Variants in FGF14 observed in about 807,000 individuals in gnomAD.
The protein encoded by FGF14 is fibroblast growth factor homologous factor 4.
A neutral mutation model predicts 25.5 loss-of-function variants in FGF14; 5 were observed. That is an observed-to-expected ratio of 0.20 (90% CI 0.10 to 0.41). The LOEUF (loss-of-function observed/expected upper bound fraction) is 0.41. FGF14 is among the 10% of genes least tolerant of loss of function. The pLI is 1.00. For synonymous variants in FGF14, 138 were observed against 118.3 expected, an observed-to-expected ratio of 1.17 and a Z score of -1.08; for missense variants, 222 against 320.1, an observed-to-expected ratio of 0.69 and a Z score of 2.34.
At chr13:101,793,089 T>C (rs1412146941) in intron 3 of FGF14, among the ~76,000 whole-genome samples, 1 of 152,142 alleles carries the variant, frequency 6.6e-6, no homozygotes, top group Non-Finnish European at 1.5e-5. Flanking sequence ...TTCACTACAC[T>C]GTGCAACAGA....
intron 1 of FGF14, among the ~76,000 whole-genome samples, chr13:101,929,107 G>A (rs189706078): frequency 1.3e-5 from 2 of 152,086 alleles, no homozygotes; most frequent in Admixed American, 6.5e-5. Flanking sequence ...TACTTGACCC[G>A]GCATTCAGGC....
chr13:102,108,224 A>G (rs1489120858), intron 1 of FGF14, among the ~76,000 whole-genome samples: 2 of 152,174 alleles, frequency 1.3e-5, no homozygotes, highest in African/African-American at 4.8e-5. Flanking sequence ...GGAGAAAATC[A>G]GTACAATTTT....
rs150541638 is a variant in FGF14, at chr13:102,071,242, A to G, written c.209-195946T>C. Among the ~76,000 whole-genome samples, 1,270 of 152,356 alleles carry G rather than the reference A, an allele frequency of 8.3e-3. 16 individuals are homozygous for G. The highest frequency in any genetic ancestry group is 0.029 in the African/African-American group (1,194 of 41,580). On this transcript the variant is annotated intron_variant, in intron 1 of 4. Transcript: ENST00000376131. ...ACAGCACGACAAGGCAGAGAGAACC[A>G]GATCCAGATTGCAGGGCAGATTTAA...
intron 1 of FGF14, among the ~76,000 whole-genome samples, chr13:102,330,327 T>C (rs57658220): frequency 0.2 from 30,636 of 152,018 alleles, 3,335 homozygotes; most frequent in East Asian, 0.44. Context: ...GTGAACCAAT[T>C]TTCTCTGTTC....
intron 1 of FGF14, among the ~76,000 whole-genome samples, chr13:102,248,308 AAAG>A (rs1287280681): frequency 6.6e-6 from 1 of 152,170 alleles, no homozygotes; most frequent in Non-Finnish European, 1.5e-5. Flanking sequence ...TGGAATATAT[AAAG>A]AAGTAGAAAA....
At chr13:102,356,266 G>A (rs1443305732) in intron 1 of FGF14, among the ~76,000 whole-genome samples, 1 of 152,160 alleles carries the variant, frequency 6.6e-6, no homozygotes, top group Non-Finnish European at 1.5e-5. Flanking sequence ...ACAATTCTTT[G>A]CTCCTTACTA....
chr13:101,996,941 T>C (rs929918611), intron 1 of FGF14, among the ~76,000 whole-genome samples: 9 of 152,244 alleles, frequency 5.9e-5, no homozygotes, highest in Admixed American at 4.6e-4. Context: ...GCCTGGCATA[T>C]TCCTGCCTCA....
intron 1 of FGF14, among the ~76,000 whole-genome samples, chr13:101,898,497 G>T (rs948163610): frequency 6.6e-6 from 1 of 151,924 alleles, no homozygotes; most frequent in South Asian, 2.1e-4. Flanking sequence ...CAAATAAAAA[G>T]CTAGTCAATA....
chr13:102,357,995 T>C (rs1423071188), intron 1 of FGF14, among the ~76,000 whole-genome samples: 2 of 152,130 alleles, frequency 1.3e-5, no homozygotes, highest in African/African-American at 4.8e-5. Flanking sequence ...CCAACAGCAA[T>C]CAGATTATTT....
rs369595376 is a variant in FGF14, at chr13:101,726,220, A to C, written c.607+392T>G. Among the ~76,000 whole-genome samples the C allele has an allele frequency of 1.7e-4, 26 of 152,184 alleles. No individual in the cohort carries two copies. In the East Asian group the frequency reaches 4.6e-3, roughly 27 times the overall value. ...GAAAATACTTTTGATTCCACGCTCA[A>C]AACTTATTTTTTCTAATATACTTAT... is the stretch of plus-strand genomic sequence containing the variant. On this transcript the variant is annotated intron_variant, in intron 4 of 4. Coordinates refer to ENST00000376143, the MANE Select transcript of FGF14 (RefSeq NM_004115.4).
chr13:101,939,843 G>C (rs2035329262), intron 1 of FGF14, among the ~76,000 whole-genome samples: 1 of 152,130 alleles, frequency 6.6e-6, no homozygotes, highest in South Asian at 2.1e-4. Context: ...ACGAGACAAA[G>C]AAATGGCATG....
intron 1 of FGF14, among the ~76,000 whole-genome samples, chr13:102,269,347 G>A (rs1457682726): frequency 6.6e-6 from 1 of 152,148 alleles, no homozygotes; most frequent in East Asian, 1.9e-4. Context: ...GATTGGGGAA[G>A]ACCATAAAAA....
intron 1 of FGF14, among the ~76,000 whole-genome samples, chr13:102,084,585 G>A (rs928573593): frequency 2.2e-4 from 34 of 152,096 alleles, no homozygotes; most frequent in Non-Finnish European, 1.5e-5. Context: ...CACAATTAAG[G>A]TCGGTTCTGG....
intron 1 of FGF14, among the ~76,000 whole-genome samples, chr13:102,022,048 G>A (rs1196914749): frequency 6.6e-6 from 1 of 151,976 alleles, no homozygotes; most frequent in African/African-American, 2.4e-5. Context: ...CGTCCACTTG[G>A]GCAGACTTCC....
At chr13:102,000,708 A>C (rs1462100140) in intron 1 of FGF14, among the ~76,000 whole-genome samples, 2 of 151,950 alleles carry the variant, frequency 1.3e-5, no homozygotes, top group Non-Finnish European at 2.9e-5. Context: ...TTCATCCCTG[A>C]CTCCCATTAT....
At chr13:102,307,313 G>A (rs1262288656) in intron 1 of FGF14, among the ~76,000 whole-genome samples, 1 of 152,070 alleles carries the variant, frequency 6.6e-6, no homozygotes, top group African/African-American at 2.4e-5. Context: ...ATTTTAGCCA[G>A]GTGAGATCCA....
chr13:102,189,201 A>C (rs2049028258), intron 1 of FGF14, among the ~76,000 whole-genome samples: 1 of 152,150 alleles, frequency 6.6e-6, no homozygotes, highest in East Asian at 1.9e-4. Context: ...TAGATCATAG[A>C]AGAAAAGTAG....
chr13:101,845,821 T>C (rs892950746), intron 3 of FGF14, among the ~76,000 whole-genome samples: 6 of 151,982 alleles, frequency 3.9e-5, no homozygotes, highest in African/African-American at 1.4e-4. Flanking sequence ...TCATAGATTA[T>C]GTTGACAGAA....
rs1183914553 is a variant in FGF14 at position 101,713,101 on chromosome 13, A to G, written c.*9730T>C. ...TCTAAATAATTCTGACTGCACTCTT[A>G]CTTTGAGAAGTGTGTCAAGAAATGG... On this transcript the variant is annotated 3_prime_UTR_variant, in exon 5 of 5. Transcript: ENST00000376143. 1 of 152,234 alleles carries G rather than the reference A, an allele frequency of 6.6e-6. No homozygotes were observed. The highest frequency in any genetic ancestry group is 1.5e-5 in the Non-Finnish European group (1 of 68,030). The allele number at this position is 152,234 out of a possible 1,614,324, so 9.4% of individuals were successfully genotyped here.
Sources: gnomAD v4.1 joint callset for allele counts (sites outside exome capture counted in the v4.1 genomes callset) on GRCh38, gnomAD v4.1.1 for gene constraint, MANE v1.5 for transcripts, NCBI Gene and HGNC (gene_info 2026-07-23, HGNC 2026-07-21) for gene names.